The following LRIG3 variants were observed in gnomAD, a reference collection of about 807,000 sequenced individuals.
LRIG3 encodes leucine-rich repeats and immunoglobulin-like domains protein 3.
A neutral mutation model predicts 114.5 loss-of-function variants in LRIG3; 76 were observed. The observed-to-expected ratio is 0.66, with a 90% CI of 0.55 to 0.80. LRIG3 has a LOEUF of 0.80. Ranked by LOEUF, LRIG3 falls within the 30% of genes least tolerant of loss-of-function variation. LRIG3 has a pLI of 0.00. For synonymous variants in LRIG3, 512 were observed against 519.8 expected (o/e 0.98, Z 0.20); for missense variants, 1,239 against 1,382.8 (o/e 0.90, Z 1.65).
intron 16 of LRIG3, 30 bp from the exon 17 acceptor site, chr12:58,874,603 C>T (rs1870855985): frequency 6.2e-7 from 1 of 1,611,588 alleles, no homozygotes; most frequent in Non-Finnish European, 8.5e-7. Flanking sequence ...GTCAATGATC[C>T]AATTATTCAA....
intron 15 of LRIG3, among the ~76,000 whole-genome samples, 190 bp downstream of exon 15, chr12:58,877,210 A>G (rs1286424756): frequency 1.3e-5 from 2 of 152,366 alleles, no homozygotes; most frequent in African/African-American, 4.8e-5. Context: ...TTTAACAAAA[A>G]GTATTAATCT....
At chr12:58,914,179 T>C in intron 2 of LRIG3, 86 bp downstream of exon 2, 1 of 1,511,918 alleles carries the variant, frequency 6.6e-7, no homozygotes, top group East Asian at 2.3e-5. Flanking sequence ...AATAACTCAC[T>C]ATAATCCAAG....
intron 11 of LRIG3, 41 bp downstream of exon 11, chr12:58,883,479 C>T: frequency 7.0e-7 from 1 of 1,433,998 alleles, no homozygotes; most frequent in South Asian, 1.4e-5. Context: ...CAGTTTTCCC[C>T]TCTATACTTT....
chr12:58,905,036 T>G (rs1251454312), intron 3 of LRIG3, among the ~76,000 whole-genome samples: 3 of 152,138 alleles, frequency 2.0e-5, no homozygotes, highest in Non-Finnish European at 4.4e-5. Flanking sequence ...GGGAAATACG[T>G]ATGCAAAAGA....
intron 3 of LRIG3, among the ~76,000 whole-genome samples, chr12:58,912,608 T>C (rs7135114): frequency 0.32 from 48,013 of 152,160 alleles, 10,718 homozygotes; most frequent in African/African-American, 0.62. Context: ...TTCCCCATGC[T>C]GCCCAGATTA....
chr12:58,881,129 AT>A (rs1232647262), intron 12 of LRIG3, among the ~76,000 whole-genome samples: 2 of 152,178 alleles, frequency 1.3e-5, no homozygotes, highest in African/African-American at 4.8e-5. Flanking sequence ...ATCAATCACT[AT>A]TACCTGAGAA....
intron 3 of LRIG3, among the ~76,000 whole-genome samples, chr12:58,894,419 T>C (rs116747109): frequency 0.011 from 1,626 of 152,222 alleles, 31 homozygotes; most frequent in African/African-American, 0.036. Flanking sequence ...CATACCAGTT[T>C]AACACAAAAC....
chr12:58,876,739 T>G, intron 15 of LRIG3, 136 bp from the exon 16 acceptor site: 1 of 845,260 alleles, frequency 1.2e-6, no homozygotes. Context: ...CAAAACCATC[T>G]CGATTGTACA....
intron 1 of LRIG3, among the ~76,000 whole-genome samples, chr12:58,916,343 T>C (rs776405828): frequency 6.6e-6 from 1 of 152,164 alleles, no homozygotes; most frequent in Non-Finnish European, 1.5e-5. Flanking sequence ...TTGTGTACTA[T>C]TAAAACTACA....
intron 10 of LRIG3, among the ~76,000 whole-genome samples, chr12:58,884,260 T>C (rs1338875851): frequency 1.3e-5 from 2 of 152,220 alleles, no homozygotes; most frequent in Non-Finnish European, 2.9e-5. Flanking sequence ...AATGAGCACA[T>C]ATTCTGGATT....
chr12:58,882,661 C>G (rs1427160800), intron 12 of LRIG3, among the ~76,000 whole-genome samples: 1 of 152,004 alleles, frequency 6.6e-6, no homozygotes, highest in African/African-American at 2.4e-5. Context: ...ATCCTGATGC[C>G]AAAACAAAGA....
Position 58,872,716 on chromosome 12 carries a change from A to G in LRIG3, c.3216T>C (p.His1072=), listed in dbSNP as rs1225619614. 1 of 1,614,000 alleles carries G rather than the reference A, an allele frequency of 6.2e-7. No individual in the cohort carries two copies. The highest frequency in any genetic ancestry group is 2.2e-5 in the East Asian group (1 of 44,874). ...ACCCAGAGTCCAAGTCTGGGGAAGA[A>G]TGAGCTTTCAAATAAAAGGCTCTTG... ...CQPRAFYLKA[H]SSPDLDSGSE... is the part of the protein sequence containing the mutation. Residue 1072 remains histidine, a synonymous_variant, in exon 19 of 19, where the codon CAT becomes CAC. Coordinates refer to ENST00000320743, the MANE Select transcript of LRIG3 (RefSeq NM_153377.5).
At chr12:58,912,530 T>A (rs1264695505) in intron 3 of LRIG3, among the ~76,000 whole-genome samples, 1 of 152,136 alleles carries the variant, frequency 6.6e-6, no homozygotes, top group Non-Finnish European at 1.5e-5. Context: ...AGGTTACTTA[T>A]AATTTTCTAA....
chr12:58,885,948 T>C (rs1256178824), intron 9 of LRIG3, 46 bp from the exon 10 acceptor site: 1 of 1,334,946 alleles, frequency 7.5e-7, no homozygotes. Context: ...AAAAGCCATT[T>C]TGGGGTGGAA....
rs1487827458 is a variant in LRIG3, at chr12:58,885,869, A to G, written c.1206T>C (p.Thr402=). 1 of 1,591,202 alleles carries G rather than the reference A, an allele frequency of 6.3e-7. No homozygotes were observed. Among genetic ancestry groups the G allele is most frequent in the African/African-American group, 1.3e-5 (1 of 74,276 alleles). ...ILQGNRIRSI[T]KKAFTGLDAL... ...CATCCAAACCAGTGAAGGCTTTTTT[A>G]GTAATAGAACGGATCCGATTTCCTT... Residue 402 remains threonine (T), a synonymous_variant, in exon 10 of 19, where the codon ACT becomes ACC. Transcript: ENST00000320743.
intron 14 of LRIG3, among the ~76,000 whole-genome samples, chr12:58,878,210 A>T (rs1405642229): frequency 6.6e-6 from 1 of 152,204 alleles, no homozygotes; most frequent in Non-Finnish European, 1.5e-5. Context: ...AATAAAAAAA[A>T]TCAGAATGCT....
intron 3 of LRIG3, chr12:58,913,371 C>G (rs2120985123): frequency 6.6e-6 from 1 of 152,252 alleles, no homozygotes; most frequent in Non-Finnish European, 1.5e-5. Context: ...CATGTATATA[C>G]AACGTTACCT....
intron 15 of LRIG3, 137 bp from the exon 16 acceptor site, chr12:58,876,740 C>T (rs1251483716): frequency 9.5e-6 from 8 of 844,614 alleles, no homozygotes; most frequent in Middle Eastern, 3.4e-4. Flanking sequence ...AAAACCATCT[C>T]GATTGTACAG....
At chr12:58,890,335 G>A (rs368227068) in intron 4 of LRIG3, among the ~76,000 whole-genome samples, 196 bp from the exon 5 acceptor site, 64 of 152,156 alleles carry the variant, frequency 4.2e-4, no homozygotes, top group African/African-American at 1.3e-3. Flanking sequence ...AATATGTGAC[G>A]GATGCAAAAT....
Sources: allele counts gnomAD v4.1 joint callset (sites outside exome capture counted in the v4.1 genomes callset), GRCh38; gene constraint gnomAD v4.1.1; transcripts MANE v1.5; gene names NCBI Gene and HGNC (gene_info 2026-07-23, HGNC 2026-07-21).